The following ACYP2 variants were observed in gnomAD, a reference collection of about 807,000 sequenced individuals.
The protein encoded by ACYP2 is acylphosphatase-2.
In ACYP2, 12 loss-of-function variants were observed where a neutral mutation model predicts 11.2. That is an observed-to-expected ratio of 1.08 (90% CI 0.69 to 1.74). The LOEUF is 1.74. Ranked by LOEUF, ACYP2 falls within the 40% of genes most tolerant of loss-of-function variation. The pLI, the probability that ACYP2 is intolerant of heterozygous loss-of-function variation, is 0.00. For missense variants in ACYP2, 134 were observed against 101.9 expected (o/e 1.31, Z -1.35); for synonymous variants, 43 against 32.2 (o/e 1.33, Z -1.13).
intron 6 of ACYP2, among the ~76,000 whole-genome samples, chr2:54,297,970 T>G (rs542193302): frequency 6.6e-6 from 1 of 152,306 alleles, no homozygotes; most frequent in East Asian, 1.9e-4. Context: ...TAAACTCTAA[T>G]AGAATGTATG....
chr2:54,215,164 T>G (rs548171901), intron 6 of ACYP2, among the ~76,000 whole-genome samples: 1 of 152,308 alleles, frequency 6.6e-6, no homozygotes, highest in East Asian at 1.9e-4. Context: ...CTTTGGGGTT[T>G]TCTACGTATA....
At chr2:53,980,739 C>T (rs914160527) in intron 2 of ACYP2, among the ~76,000 whole-genome samples, 1 of 151,730 alleles carries the variant, frequency 6.6e-6, no homozygotes, top group Non-Finnish European at 1.5e-5. Context: ...GGTAAGCGCC[C>T]TGTATAGGTG....
At chr2:54,174,925 C>G (rs1215154) in intron 6 of ACYP2, among the ~76,000 whole-genome samples, 93,559 of 152,118 alleles carry the variant, frequency 0.62, 30,895 homozygotes, top group East Asian at 0.92. Flanking sequence ...GCTGGATTCT[C>G]TTTGCCAGTA....
intron 6 of ACYP2, among the ~76,000 whole-genome samples, chr2:54,143,757 T>TGGGGG (rs1459032230): frequency 5.2e-5 from 1 of 19,210 alleles, no homozygotes; most frequent in African/African-American, 1.7e-4. Context: ...TTTTTTTTTT[T>TGGGGG]GGGGGGGGGG....
intron 2 of ACYP2, among the ~76,000 whole-genome samples, chr2:53,986,771 T>C (rs750734176): frequency 6.6e-6 from 1 of 151,740 alleles, no homozygotes; most frequent in Non-Finnish European, 1.5e-5. Flanking sequence ...ATCACAGATA[T>C]GCACCACCAT....
At chr2:54,138,819 G>T (rs1257748448) in intron 6 of ACYP2, 71 bp downstream of exon 3, 1 of 1,266,064 alleles carries the variant, frequency 7.9e-7, no homozygotes, top group Admixed American at 2.1e-5. Flanking sequence ...TTAAGACATG[G>T]TCTTGCTCTG....
intron 6 of ACYP2, among the ~76,000 whole-genome samples, chr2:54,288,685 T>C (rs1689181806): frequency 6.6e-6 from 1 of 152,056 alleles, no homozygotes; most frequent in Admixed American, 6.5e-5. Context: ...GATCAATTCC[T>C]TGACCAGAGA....
chr2:54,180,019 G>A (rs11886475), intron 6 of ACYP2, among the ~76,000 whole-genome samples: 20,842 of 152,006 alleles, frequency 0.14, 3,403 homozygotes, highest in African/African-American at 0.4. Flanking sequence ...GGCTTCAAGT[G>A]GGGGTTCCCA....
At chr2:54,226,398 T>A (rs1686013026) in intron 6 of ACYP2, among the ~76,000 whole-genome samples, 1 of 152,206 alleles carries the variant, frequency 6.6e-6, no homozygotes. Flanking sequence ...TAGGCAGTCC[T>A]GAAAGGGCAG....
At chr2:54,028,628 G>A (rs1170396522) in intron 2 of ACYP2, among the ~76,000 whole-genome samples, 2 of 152,184 alleles carry the variant, frequency 1.3e-5, no homozygotes, top group African/African-American at 4.8e-5. Flanking sequence ...ACAGACTTTT[G>A]TCACAAACCA....
intron 6 of ACYP2, among the ~76,000 whole-genome samples, chr2:54,289,372 T>C (rs1435946927): frequency 2.0e-5 from 3 of 152,028 alleles, no homozygotes; most frequent in Non-Finnish European, 4.4e-5. Flanking sequence ...CCAAGCTCTT[T>C]AAATTTTTTG....
At chr2:54,259,448 A>G (rs1003141378) in intron 6 of ACYP2, among the ~76,000 whole-genome samples, 1 of 152,208 alleles carries the variant, frequency 6.6e-6, no homozygotes, top group African/African-American at 2.4e-5. Context: ...AAAGAGGAAA[A>G]ACAGCAAGGA....
At chr2:54,189,075 C>G (rs561401175) in intron 6 of ACYP2, among the ~76,000 whole-genome samples, 25 of 152,258 alleles carry the variant, frequency 1.6e-4, no homozygotes, top group Admixed American at 5.2e-4. Flanking sequence ...GTTTAAAATA[C>G]ACAACATGAT....
chr2:54,278,434 A>G (rs1458895848), intron 6 of ACYP2, among the ~76,000 whole-genome samples: 2 of 152,212 alleles, frequency 1.3e-5, no homozygotes, highest in African/African-American at 4.8e-5. Flanking sequence ...GGAATAGAAA[A>G]AGTATAGTAA....
chr2:54,197,011 G>A (rs868098462), intron 6 of ACYP2, among the ~76,000 whole-genome samples: 1 of 152,202 alleles, frequency 6.6e-6, no homozygotes, highest in Non-Finnish European at 1.5e-5. Flanking sequence ...AGTTAAAACA[G>A]CACTGTGTTA....
At chr2:54,255,600 GT>G in intron 6 of ACYP2, 2 of 1,613,438 alleles carry the variant, frequency 1.2e-6, no homozygotes, top group Non-Finnish European at 1.7e-6. Flanking sequence ...CTGCCTCCCT[GT>G]TTACCTCATC....
intron 2 of ACYP2, among the ~76,000 whole-genome samples, chr2:54,042,726 C>T (rs578066408): frequency 9.2e-5 from 14 of 152,250 alleles, no homozygotes; most frequent in South Asian, 6.2e-4. Context: ...CCCTGTTTGG[C>T]TTCAAATTTG....
intron 2 of ACYP2, among the ~76,000 whole-genome samples, chr2:53,974,169 C>G (rs763296053): frequency 2.1e-4 from 32 of 152,076 alleles, no homozygotes; most frequent in Non-Finnish European, 4.6e-4. Context: ...CCGCCTTGGA[C>G]TCCCAAAGTG....
intron 6 of ACYP2, among the ~76,000 whole-genome samples, chr2:54,283,830 T>C (rs902485628): frequency 6.6e-6 from 1 of 152,232 alleles, no homozygotes; most frequent in Non-Finnish European, 1.5e-5. Flanking sequence ...AAAAACTATC[T>C]TTGGCCTGGT....
Sources: gnomAD v4.1 joint callset for allele counts (sites outside exome capture counted in the v4.1 genomes callset) on GRCh38, gnomAD v4.1.1 for gene constraint, MANE v1.5 for transcripts, NCBI Gene and HGNC (gene_info 2026-07-23, HGNC 2026-07-21) for gene names.